Variants in SPIRE1 observed in about 807,000 individuals in gnomAD.
SPIRE1 encodes the protein protein spire homolog 1.
In SPIRE1, 40 loss-of-function variants were observed where a neutral mutation model predicts 94.1. The ratio of observed to expected loss-of-function variants is 0.43; its 90% confidence interval spans 0.33 to 0.55. The LOEUF (loss-of-function observed/expected upper bound fraction) is 0.55. SPIRE1 is among the 20% of genes least tolerant of loss of function. The pLI is 0.06. For missense variants in SPIRE1, 838 were observed against 975.2 expected (o/e 0.86, Z 1.87); for synonymous variants, 376 against 371.7 (o/e 1.01, Z -0.13).
chr18:12,661,325 A>T (rs1598599667), upstream of SPIRE1: 2 of 980,418 alleles, frequency 2.0e-6, no homozygotes, highest in Non-Finnish European at 2.4e-6. Flanking sequence ...GAAGAAAAAA[A>T]ATTGATAAGC....
intron 2 of SPIRE1, among the ~76,000 whole-genome samples, chr18:12,588,919 C>T (rs1346632811): frequency 2.6e-5 from 4 of 152,100 alleles, no homozygotes; most frequent in African/African-American, 9.7e-5. Flanking sequence ...AACATCTTTG[C>T]CACTTGGATT....
chr18:12,623,541 G>A (rs1200831775), intron 2 of SPIRE1, among the ~76,000 whole-genome samples: 1 of 152,108 alleles, frequency 6.6e-6, no homozygotes, highest in Non-Finnish European at 1.5e-5. Context: ...GATCCCATCC[G>A]CATTGCATTA....
At chr18:12,480,910 C>T (rs1380408893) in intron 9 of SPIRE1, among the ~76,000 whole-genome samples, 1 of 152,230 alleles carries the variant, frequency 6.6e-6, no homozygotes, top group African/African-American at 2.4e-5. Flanking sequence ...GCACACTCGA[C>T]TGCTCTTTGC....
chr18:12,522,744 T>G (rs1214004579), intron 4 of SPIRE1, among the ~76,000 whole-genome samples: 1 of 152,192 alleles, frequency 6.6e-6, no homozygotes, highest in Non-Finnish European at 1.5e-5. Flanking sequence ...TTAACTCTAC[T>G]CTGTCTGTGC....
chr18:12,534,528 C>A (rs969679590), intron 4 of SPIRE1, among the ~76,000 whole-genome samples: 67 of 152,296 alleles, frequency 4.4e-4, no homozygotes, highest in Non-Finnish European at 5.9e-5. Context: ...GTGGTGCCCT[C>A]AGTTTAGGTG....
chr18:12,486,509 A>G (rs559738039), intron 8 of SPIRE1, among the ~76,000 whole-genome samples: 1 of 152,308 alleles, frequency 6.6e-6, no homozygotes, highest in East Asian at 1.9e-4. Flanking sequence ...ATGTGTTAAT[A>G]AACTATCTAT....
chr18:12,658,128 C>CCCGCCTCGCG, upstream of SPIRE1: 1 of 965,240 alleles, frequency 1.0e-6, no homozygotes, highest in African/African-American at 1.8e-5. Context: ...CCCGCCCCGC[C>CCCGCCTCGCG]CCGCCTCGCG....
chr18:12,481,814 T>C (rs928065665), intron 9 of SPIRE1, among the ~76,000 whole-genome samples: 7 of 151,888 alleles, frequency 4.6e-5, no homozygotes, highest in African/African-American at 1.7e-4. Flanking sequence ...ATAAGAGAAA[T>C]AGAATTGTTG....
chr18:12,570,814 C>A (rs1186290045), intron 2 of SPIRE1, among the ~76,000 whole-genome samples: 1 of 152,148 alleles, frequency 6.6e-6, no homozygotes, highest in African/African-American at 2.4e-5. Context: ...GTATAATCAT[C>A]AGATAACACA....
At position 12,447,043 on chromosome 18, in the gene SPIRE1, T is replaced by C. The variant is rs183128089; in HGVS notation, c.*2595A>G. Reference sequence around the variant, plus strand: ...AAATATTAATAAATATATTACAGTATTTACAAGCATTCTTATACACTCCGA... The same window carrying C: ...AAATATTAATAAATATATTACAGTACTTACAAGCATTCTTATACACTCCGA... On this transcript the variant is annotated 3_prime_UTR_variant, in exon 17 of 17. Coordinates refer to ENST00000409402, the MANE Select transcript of SPIRE1 (RefSeq NM_001128626.2). 1 of 152,282 alleles carries C rather than the reference T, an allele frequency of 6.6e-6. No individual in the cohort carries two copies. Among genetic ancestry groups the C allele is most frequent in the East Asian group, 1.9e-4 (1 of 5,190 alleles). The allele number at this position is 152,282 out of a possible 1,614,324, so 9.4% of individuals were successfully genotyped here.
rs190765233 is a variant in SPIRE1, at chr18:12,606,505, T to A, written c.372+28557A>T. On this transcript the variant is annotated intron_variant, in intron 2 of 16. Coordinates refer to ENST00000409402, the MANE Select transcript of SPIRE1 (RefSeq NM_001128626.2). The stretch of plus-strand genomic sequence containing the variant: ...AAGCTGCTCACTTTCCTAAAACCAG[T>A]AAATTATTTTCTCTCTTTAATTATC... Among the ~76,000 whole-genome samples, 48 of 151,232 alleles carry A rather than the reference T, an allele frequency of 3.2e-4. No individual in the cohort carries two copies. In the Middle Eastern group the frequency reaches 0.01, roughly 32 times the overall value.
chr18:12,449,291 G>A lies in SPIRE1; in HGVS notation c.*347C>T, dbSNP rs1437718121. 1.1e-5 allele frequency: 3 copies of A among 278,108 alleles called. No homozygotes were observed. Among genetic ancestry groups the A allele is most frequent in the South Asian group, 9.0e-5 (2 of 22,316 alleles). 17.2% of individuals were successfully genotyped at this position (278,108 alleles called of 1,614,324 possible). On this transcript the variant is annotated 3_prime_UTR_variant, in exon 17 of 17. Coordinates refer to ENST00000409402, the MANE Select transcript of SPIRE1 (RefSeq NM_001128626.2). ...CGGCATCTCTGTTAGACTGATTCTC[G>A]TAGGAGAAGCTTTTTTTTTTTGCCT...
chr18:12,598,269 C>T (rs1180078942), intron 2 of SPIRE1, among the ~76,000 whole-genome samples: 2 of 152,134 alleles, frequency 1.3e-5, no homozygotes, highest in Admixed American at 1.3e-4. Flanking sequence ...CTTTCAAGAA[C>T]ACTCCCTAAA....
intron 4 of SPIRE1, among the ~76,000 whole-genome samples, chr18:12,519,016 A>G (rs2034280678): frequency 1.3e-5 from 2 of 152,188 alleles, no homozygotes; most frequent in African/African-American, 2.4e-5. Context: ...AGTACTAAAG[A>G]ATATGATTTA....
At chr18:12,499,578 T>A (rs558136378) in intron 6 of SPIRE1, among the ~76,000 whole-genome samples, 3 of 150,978 alleles carry the variant, frequency 2.0e-5, no homozygotes, top group South Asian at 4.2e-4. Flanking sequence ...ACCATATATA[T>A]AAATTAACTA....
At chr18:12,562,169 C>G (rs1377997662) in intron 2 of SPIRE1, among the ~76,000 whole-genome samples, 1 of 152,160 alleles carries the variant, frequency 6.6e-6, no homozygotes, top group Non-Finnish European at 1.5e-5. Flanking sequence ...TATATCCTAC[C>G]CACATTTTCA....
rs548732136 is a variant in SPIRE1 at position 12,525,134 on chromosome 18, G to C, written c.729+10342C>G. 1.6e-4 allele frequency among the ~76,000 whole-genome samples: 24 copies of C among 151,438 alleles called. No individual in the cohort carries two copies. The South Asian group carries it at 4.0e-3, about 25-fold the overall frequency. On this transcript the variant is annotated intron_variant, in intron 4 of 16. Coordinates refer to ENST00000409402, the MANE Select transcript of SPIRE1 (RefSeq NM_001128626.2). ...TACTAAAAATACAAAAAAATTAGCCGGGCGTGGTGGCGGGCGCCTATAGTC... is the reference window on the plus strand; with the variant it reads ...TACTAAAAATACAAAAAAATTAGCCCGGCGTGGTGGCGGGCGCCTATAGTC...
rs368528401 is a variant in SPIRE1, at chr18:12,618,739, A to G, written c.372+16323T>C. Among the ~76,000 whole-genome samples the G allele has an allele frequency of 2.3e-4, 35 of 152,342 alleles. 1 individual carries two copies. The East Asian group carries it at 5.0e-3, about 22-fold the overall frequency. On this transcript the variant is annotated intron_variant, in intron 2 of 16. Coordinates refer to ENST00000409402, the MANE Select transcript of SPIRE1 (RefSeq NM_001128626.2). ...CACACAAAAAAATATTTCCACTTGA[A>G]ATATAAATTATATAAACATGCTCTC... is the stretch of plus-strand genomic sequence containing the variant.
At chr18:12,537,750 C>T (rs1412931160) in intron 3 of SPIRE1, among the ~76,000 whole-genome samples, 1 of 152,126 alleles carries the variant, frequency 6.6e-6, no homozygotes, top group Non-Finnish European at 1.5e-5. Flanking sequence ...AAGAAAATCA[C>T]TCCATTTACA....
Sources: allele counts gnomAD v4.1 joint callset (sites outside exome capture counted in the v4.1 genomes callset), GRCh38; gene constraint gnomAD v4.1.1; transcripts MANE v1.5; gene names NCBI Gene and HGNC (gene_info 2026-07-23, HGNC 2026-07-21).